PLD2: variants seen among roughly 807,000 people sequenced by gnomAD.
The protein encoded by PLD2 is choline phosphatase 2.
In PLD2, 101 loss-of-function variants were observed where a neutral mutation model predicts 119.8. That is an observed-to-expected ratio of 0.84 (90% CI 0.72 to 0.99). PLD2 has a LOEUF of 0.99. Among genes scored for constraint, PLD2 ranks in the 50% least tolerant of loss-of-function variants. The pLI, the probability that PLD2 is intolerant of heterozygous loss-of-function variation, is 0.00. For synonymous variants in PLD2, 494 were observed against 482.8 expected (o/e 1.02, Z -0.30); for missense variants, 1,164 against 1,226.8 (o/e 0.95, Z 0.76).
In PLD2 at chr17:4,809,975, T is replaced by C; in HGVS notation, c.806T>C (p.Val269Ala). 6.2e-7 allele frequency: 1 copy of C among 1,613,920 alleles called. No homozygotes were observed. The highest frequency in any genetic ancestry group is 8.5e-7 in the Non-Finnish European group (1 of 1,179,990). ...QLFDPGFEVQ[V>A]GKRSTEARHG... ...TTTGACCCTGGCTTTGAGGTGCAAG[T>C]GGGGAAAAGGAGCACGGAGGCACGG... is the stretch of plus-strand genomic sequence containing the variant. Residue 269 changes from valine (V) to alanine (A), a missense_variant, in exon 9 of 25, where the codon GTG becomes GCG. By Grantham distance (64) the Val-to-Ala change is moderately conservative. Coordinates refer to ENST00000263088, the MANE Select transcript of PLD2 (RefSeq NM_002663.5).
chr17:4,814,816 A>T, intron 12 of PLD2, 105 bp downstream of exon 12: 6 of 998,912 alleles, frequency 6.0e-6, no homozygotes, highest in Non-Finnish European at 7.8e-6. Context: ...GCTTCAGGGG[A>T]GGGAAAAGTG....
Position 4,816,998 on chromosome 17 carries a change from T to C in PLD2, c.1644T>C (p.His548=). Residue 548 remains histidine, a synonymous_variant, in exon 16 of 25, where the codon CAT becomes CAC. Transcript: ENST00000263088. ...GGCGGGACGTTGGGGTGGTCGTCCA[T>C]GGCCTACCGGCCCGGGACCTTGCCC... is the stretch of plus-strand genomic sequence containing the variant. ...MPWRDVGVVV[H]GLPARDLARH... is the part of the protein sequence containing the mutation. The C allele has an allele frequency of 6.2e-7, 1 of 1,614,026 alleles. No homozygotes were observed. The highest frequency in any genetic ancestry group is 8.5e-7 in the Non-Finnish European group (1 of 1,179,958).
At position 4,808,523 on chromosome 17, in the gene PLD2, T is replaced by A; in HGVS notation, c.383+107T>A. 9.2e-7 allele frequency: 1 copy of A among 1,083,334 alleles called. No individual in the cohort carries two copies. The highest frequency in any genetic ancestry group is 1.4e-6 in the Non-Finnish European group (1 of 731,994). 67.1% of individuals were successfully genotyped at this position (1,083,334 alleles called of 1,614,324 possible). On this transcript the variant is annotated intron_variant, in intron 4 of 24. Transcript: ENST00000263088. The surrounding 1 kb of genome is among the most constrained non-coding windows in gnomAD (Gnocchi z 4.1). The stretch of plus-strand genomic sequence containing the variant: ...CTTTCCTCCCTGCAACTCTGGCCAC[T>A]GTGCTGCCTCCCCTGACCCCAGTTA...
Position 4,808,510 on chromosome 17 carries a change from C to A in PLD2, c.383+94C>A. The A allele has an allele frequency of 8.1e-7, 1 of 1,241,368 alleles. No homozygotes were observed. Among genetic ancestry groups the A allele is most frequent in the South Asian group, 1.3e-5 (1 of 74,862 alleles). 76.9% of individuals were successfully genotyped at this position (1,241,368 alleles called of 1,614,324 possible). On this transcript the variant is annotated intron_variant, in intron 4 of 24. Transcript: ENST00000263088. This position sits in a 1 kb window ranked among gnomAD's most constrained non-coding sequence, Gnocchi z 4.1. The stretch of plus-strand genomic sequence containing the variant: ...CCGGGGCCACAACCTTTCCTCCCTG[C>A]AACTCTGGCCACTGTGCTGCCTCCC...
rs756561028 is a variant in PLD2, at chr17:4,822,885, A to C, written c.*21A>C. The C allele has an allele frequency of 6.5e-6, 9 of 1,384,356 alleles. No individual in the cohort carries two copies. Among genetic ancestry groups the C allele is most frequent in the Non-Finnish European group, 8.2e-6 (8 of 977,830 alleles). The allele number at this position is 1,384,356 out of a possible 1,614,324, so 85.8% of individuals were successfully genotyped here. On this transcript the variant is annotated 3_prime_UTR_variant, in exon 25 of 25. Transcript: ENST00000263088. ...CATAGTTGAGGCCCCCGTCAGGGAGAGGTCACCAGCTGCTGTGCCCCACCA... is the reference window on the plus strand; with the variant it reads ...CATAGTTGAGGCCCCCGTCAGGGAGCGGTCACCAGCTGCTGTGCCCCACCA...
chr17:4,817,887 G>A (rs1419773361), intron 17 of PLD2, 115 bp from the exon 18 acceptor site: 7 of 667,370 alleles, frequency 1.0e-5, no homozygotes, highest in African/African-American at 7.2e-5. Flanking sequence ...GAACCCAGGA[G>A]GAGGAGCTTG....
chr17:4,813,113 G>A (rs1357314536), intron 10 of PLD2, among the ~76,000 whole-genome samples: 1 of 152,160 alleles, frequency 6.6e-6, no homozygotes, highest in Non-Finnish European at 1.5e-5. Flanking sequence ...GGGTTCAAGC[G>A]ATTCTCCTGC....
At chr17:4,821,547 C>T (rs1470641736) in intron 23 of PLD2, 3 of 328,126 alleles carry the variant, frequency 9.1e-6, no homozygotes, top group Non-Finnish European at 1.7e-5. Flanking sequence ...GCACATGCCA[C>T]CGTGCCTGGC....
intron 12 of PLD2, 35 bp downstream of exon 12, chr17:4,814,746 T>A: frequency 6.3e-7 from 1 of 1,588,406 alleles, no homozygotes. Context: ...GGGGAGGGGG[T>A]TGCCTGTGGG....
chr17:4,821,436 C>G (rs894468996), intron 23 of PLD2, among the ~76,000 whole-genome samples: 4 of 151,794 alleles, frequency 2.6e-5, no homozygotes, highest in Admixed American at 2.6e-4. Flanking sequence ...GCTCTGTCAC[C>G]CAGCTAGAGT....
rs1907693745 is a variant in PLD2 at position 4,821,810 on chromosome 17, A to C, written c.2480A>C (p.Asn827Thr). 1 of 1,613,708 alleles carries C rather than the reference A, an allele frequency of 6.2e-7. No individual in the cohort carries two copies. Among genetic ancestry groups the C allele is most frequent in the African/African-American group, 1.3e-5 (1 of 74,998 alleles). The change falls in exon 24 of 25, where the codon AAT becomes ACT. Residue 827 changes from asparagine to threonine, a missense_variant. By Grantham distance (65) the Asn-to-Thr change is moderately conservative (BLOSUM62 0). Transcript: ENST00000263088. ...TCCTATAGTGTGATTCTTGGAGCAA[A>C]TACCCGGCCAGACTTGGATCTCCGA... Reference protein sequence around the residue: ...KHCFGVILGANTRPDLDLRDP... With the variant: ...KHCFGVILGATTRPDLDLRDP...
At chr17:4,821,579 G>A in intron 23 of PLD2, 1 of 381,864 alleles carries the variant, frequency 2.6e-6, no homozygotes, top group Admixed American at 4.2e-5. Context: ...TTTTTTTGTA[G>A]AGATGGGGTT....
In PLD2 at chr17:4,819,633, C is replaced by T. The variant is rs1567535458; in HGVS notation, c.2462+51C>T. The T allele has an allele frequency of 1.3e-6, 2 of 1,542,928 alleles. No individual in the cohort carries two copies. Among genetic ancestry groups the T allele is most frequent in the South Asian group, 1.2e-5 (1 of 81,736 alleles). ...GGTGGGAGGGAGATGGGGGCGTCTGCCTTTTGAGCAGGACAAGAGGTAGCA... is the reference window on the plus strand; with the variant it reads ...GGTGGGAGGGAGATGGGGGCGTCTGTCTTTTGAGCAGGACAAGAGGTAGCA... On this transcript the variant is annotated intron_variant, in intron 23 of 24. Coordinates refer to ENST00000263088, the MANE Select transcript of PLD2 (RefSeq NM_002663.5). The surrounding 1 kb of genome is among the most constrained non-coding windows in gnomAD (Gnocchi z 4.2).
chr17:4,818,105 AGGTCTGACT>A lies in PLD2; in HGVS notation c.1920+2_1920+10del. ...GAGAGCCAGCACTTCCTCTACATTG[AGGTCTGACT>A]GGGAGGAGGTGGGGGAGAGCATGGA... On this transcript the variant is annotated splice_donor_variant and splice_donor_5th_base_variant and coding_sequence_variant and intron_variant, in exon 18 of 25. Transcript: ENST00000263088. LOFTEE classifies it high-confidence loss of function. 1 of 1,608,168 alleles carries A rather than the reference AGGTCTGACT, an allele frequency of 6.2e-7. No homozygotes were observed. Among genetic ancestry groups the A allele is most frequent in the Non-Finnish European group, 8.5e-7 (1 of 1,174,560 alleles).
Position 4,810,875 on chromosome 17 carries a change from G to A in PLD2, c.934G>A (p.Gly312Ser), listed in dbSNP as rs760033223. 3.1e-6 allele frequency: 5 copies of A among 1,613,740 alleles called. No homozygotes were observed. In the African/African-American group the frequency reaches 5.3e-5, roughly 17 times the overall value. ...CCAAGAGATCACTGAGCTGGCACAG[G>A]GCCCAGGCAGAGACTTCCTACAGCT... ...WAQEITELAQ[G>S]PGRDFLQLHR... Residue 312 changes from glycine (G) to serine (S), a missense_variant, in exon 10 of 25, where the codon GGC becomes AGC. Physicochemically the swap from Gly to Ser is moderately conservative, Grantham distance 56. Transcript: ENST00000263088.
chr17:4,809,584 G>A (rs374906866), intron 7 of PLD2, 33 bp downstream of exon 7: 35 of 1,607,828 alleles, frequency 2.2e-5, no homozygotes, highest in African/African-American at 1.7e-4. Flanking sequence ...CCAGGCATCC[G>A]TAGACATCAC....
At position 4,815,885 on chromosome 17, in the gene PLD2, A is replaced by G. The variant is rs1906920194; in HGVS notation, c.1406A>G (p.His469Arg). The part of the protein sequence containing the change: ...DLAYGRWDDL[H>R]YRLTDLGDSS... Reference sequence around the variant, plus strand: ...GCCTATGGCCGCTGGGATGACCTGCACTACCGACTGACTGACCTTGGAGAC... The same window carrying G: ...GCCTATGGCCGCTGGGATGACCTGCGCTACCGACTGACTGACCTTGGAGAC... The change falls in exon 14 of 25, where the codon CAC becomes CGC. Residue 469 changes from histidine (H) to arginine (R), a missense_variant. By Grantham distance (29) the His-to-Arg change is conservative (BLOSUM62 0). Transcript: ENST00000263088. The G allele has an allele frequency of 6.2e-7, 1 of 1,614,092 alleles. No homozygotes were observed.
Position 4,807,259 on chromosome 17 carries a change from C to G in PLD2, c.-2+34C>G, listed in dbSNP as rs1905944398. On this transcript the variant is annotated intron_variant, in intron 1 of 24. Transcript: ENST00000263088. The surrounding 1 kb of genome is among the most constrained non-coding windows in gnomAD (Gnocchi z 5.4). ...GCCGGGAAGGGGCGCGCGGGGGTCC[C>G]GGGTCTCGGAAATCGGGCGGGGACG... The G allele has an allele frequency of 6.6e-6, 1 of 152,030 alleles. No individual in the cohort carries two copies. Among genetic ancestry groups the G allele is most frequent in the Non-Finnish European group, 1.5e-5 (1 of 68,012 alleles). 9.4% of individuals were successfully genotyped at this position (152,030 alleles called of 1,614,324 possible).
Position 4,818,519 on chromosome 17 carries a change from G to A in PLD2, c.2035G>A (p.Val679Met), listed in dbSNP as rs780394033. 8.9e-5 allele frequency: 143 copies of A among 1,613,784 alleles called. No individual in the cohort carries two copies. The highest frequency in any genetic ancestry group is 1.8e-4 in the South Asian group (16 of 91,080). ...ACAGGGGTGGTGTTACCGAGTCTAC[G>A]TGCTTTTGCCCTTACTCCCTGGCTT... is the stretch of plus-strand genomic sequence containing the variant. ...HKQGWCYRVY[V>M]LLPLLPGFEG... The change falls in exon 20 of 25, where the codon GTG becomes ATG. Residue 679 changes from valine to methionine, a missense_variant. Transcript: ENST00000263088.
Sources: gnomAD v4.1 joint callset for allele counts (sites outside exome capture counted in the v4.1 genomes callset) on GRCh38, gnomAD v4.1.1 for gene constraint, Gnocchi (gnomAD v3.1) non-coding constraint, MANE v1.5 for transcripts, NCBI Gene and HGNC (gene_info 2026-07-23, HGNC 2026-07-21) for gene names.